The following USP39 variants were observed in gnomAD, a reference collection of about 807,000 sequenced individuals.
USP39 encodes the protein ubiquitin specific peptidase 39, also known as ubiquitin carboxyl-terminal hydrolase 39.
In USP39, 38 loss-of-function variants were observed where a neutral mutation model predicts 66.4. The ratio of observed to expected loss-of-function variants is 0.57; its 90% CI spans 0.44 to 0.75. The LOEUF (loss-of-function observed/expected upper bound fraction) is 0.75. Ranked by LOEUF, USP39 falls within the 30% of genes least tolerant of loss-of-function variation. The probability of loss-of-function intolerance (pLI) is 0.00; values close to 1 mark genes in which losing one functional copy is unlikely to be tolerated. For missense variants in USP39, 608 were observed against 714.4 expected, an observed-to-expected ratio of 0.85 and a Z score of 1.70; for synonymous variants, 303 against 274.6, an observed-to-expected ratio of 1.10 and a Z score of -1.02.
chr2:85,603,853 A>G lies in USP39; in HGVS notation n.226+772A>G, dbSNP rs369745214. 4.8e-4 allele frequency among the ~76,000 whole-genome samples: 73 copies of G among 152,218 alleles called. 2 individuals are homozygous for G. The South Asian group carries it at 0.011, about 22-fold the overall frequency. On this transcript the variant is annotated intron_variant and non_coding_transcript_variant, in intron 1 of 12. Coordinates refer to the USP39 transcript ENST00000459775. Reference sequence around the variant, plus strand: ...CGTGATCCGCCCGCCTCGGCCTCCCAAAGTGCTGGGATTACAGGCGTGGGC... The same window carrying G: ...CGTGATCCGCCCGCCTCGGCCTCCCGAAGTGCTGGGATTACAGGCGTGGGC...
chr2:85,611,610 G>A (rs1441835050), upstream of USP39: 2 of 1,557,234 alleles, frequency 1.3e-6, no homozygotes, highest in Non-Finnish European at 1.7e-6. Context: ...TATAGAGAAG[G>A]GGAGTGCGTT....
intron 8 of USP39, among the ~76,000 whole-genome samples, chr2:85,638,664 G>A (rs1675987331): frequency 6.6e-6 from 1 of 151,548 alleles, no homozygotes; most frequent in African/African-American, 2.4e-5. Context: ...TCAGCCTCCC[G>A]AGTAGCTAGG....
intron 6 of USP39, among the ~76,000 whole-genome samples, chr2:85,635,302 G>A (rs1324331993): frequency 6.6e-6 from 1 of 152,172 alleles, no homozygotes; most frequent in Non-Finnish European, 1.5e-5. Flanking sequence ...GCTCATGCCT[G>A]TAATCCCAGT....
chr2:85,615,311 C>T (rs1302138796), upstream of USP39, among the ~76,000 whole-genome samples: 2 of 152,072 alleles, frequency 1.3e-5, no homozygotes, highest in African/African-American at 4.8e-5. Context: ...TGAGCCACAG[C>T]GCCTGGCCTA....
chr2:85,612,077 C>T, upstream of USP39: 1 of 1,069,126 alleles, frequency 9.4e-7, no homozygotes, highest in South Asian at 1.7e-5. Flanking sequence ...GCTCAGCTTC[C>T]GGCCCCGCAT....
chr2:85,626,516 C>G (rs1007768231), intron 5 of USP39, among the ~76,000 whole-genome samples: 1 of 152,170 alleles, frequency 6.6e-6, no homozygotes, highest in Non-Finnish European at 1.5e-5. Context: ...TTTTTCTAGC[C>G]TCTGGCTCAT....
In USP39 at chr2:85,644,799, G is replaced by A. The variant is rs370266105; in HGVS notation, c.1428-149G>A. 56 of 892,118 alleles carry A rather than the reference G, an allele frequency of 6.3e-5. 3 individuals are homozygous for A. In the African/African-American group the frequency reaches 7.4e-4, roughly 12 times the overall value. The allele number at this position is 892,118 out of a possible 1,614,324, so 55.3% of individuals were successfully genotyped here. ...TTTGGCATATTTTGTGAATTCCAAC[G>A]CACCTGGACCTTCTTGACTCTGCAA... On this transcript the variant is annotated intron_variant, in intron 10 of 12. Transcript: ENST00000323701.
chr2:85,642,464 T>C (rs1369084246), intron 10 of USP39, among the ~76,000 whole-genome samples: 2 of 152,198 alleles, frequency 1.3e-5, no homozygotes, highest in Non-Finnish European at 2.9e-5. Context: ...GGGAGGAAGA[T>C]TGTGTATCAA....
chr2:85,603,180 T>G (rs1468362866), intron 1 of USP39: 1 of 152,250 alleles, frequency 6.6e-6, no homozygotes, highest in Non-Finnish European at 1.5e-5. Flanking sequence ...ACTTGGCTGT[T>G]TCTTAAGAAA....
chr2:85,604,043 C>T (rs1283078718), intron 1 of USP39, among the ~76,000 whole-genome samples: 2 of 152,156 alleles, frequency 1.3e-5, no homozygotes, highest in Admixed American at 1.3e-4. Context: ...GCAGGTTGCC[C>T]AGCGTGGGGA....
upstream of USP39, among the ~76,000 whole-genome samples, chr2:85,613,938 T>A (rs920191080): frequency 5.9e-5 from 9 of 151,694 alleles, no homozygotes; most frequent in East Asian, 2.0e-4. Context: ...AATTTTAAAA[T>A]TTTTTTGTGG....
intron 1 of USP39, 131 bp downstream of exon 1, chr2:85,616,594 G>A: frequency 7.3e-7 from 1 of 1,370,916 alleles, no homozygotes; most frequent in South Asian, 1.7e-5. Context: ...AGAAGAGGAG[G>A]GATCCAGACT....
At chr2:85,633,031 T>C (rs1573427107) in intron 6 of USP39, among the ~76,000 whole-genome samples, 1 of 152,076 alleles carries the variant, frequency 6.6e-6, no homozygotes, top group South Asian at 2.1e-4. Flanking sequence ...AGAGCCAAGG[T>C]GTAGATCCTG....
chr2:85,639,567 G>C (rs539064569), intron 9 of USP39, 176 bp downstream of exon 9: 6 of 563,804 alleles, frequency 1.1e-5, no homozygotes, highest in Non-Finnish European at 1.8e-5. Context: ...CGATTCTCCT[G>C]CCTCAGCCTT....
At chr2:85,634,558 A>G (rs1163254945) in intron 6 of USP39, among the ~76,000 whole-genome samples, 3 of 152,182 alleles carry the variant, frequency 2.0e-5, no homozygotes, top group Non-Finnish European at 4.4e-5. Context: ...TGGGTGACAG[A>G]GTGAGACGCT....
chr2:85,628,956 T>C (rs540635976), intron 5 of USP39, among the ~76,000 whole-genome samples: 1 of 152,160 alleles, frequency 6.6e-6, no homozygotes. Flanking sequence ...GATGACCTTG[T>C]TTAAGAAAGA....
At chr2:85,622,907 T>C (rs957039905) in intron 3 of USP39, among the ~76,000 whole-genome samples, 9 of 152,172 alleles carry the variant, frequency 5.9e-5, no homozygotes, top group African/African-American at 2.2e-4. Flanking sequence ...TATTCTTTGC[T>C]CTCGTAAGGA....
In USP39 at chr2:85,622,716, G is replaced by T. The variant is rs56928407; in HGVS notation, c.434-930G>T. Among the ~76,000 whole-genome samples the T allele has an allele frequency of 4.2e-3, 631 of 149,302 alleles. 7 individuals carry two copies. Among genetic ancestry groups the T allele is most frequent in the African/African-American group, 0.015 (606 of 40,568 alleles). ...CATTTCAACTCATTCACACCAAGCA[G>T]ATGCCATGTACATAGTATAGTGGAG... On this transcript the variant is annotated intron_variant, in intron 3 of 12. Transcript: ENST00000323701.
chr2:85,631,088 C>G, intron 6 of USP39, 142 bp downstream of exon 6: 1 of 747,342 alleles, frequency 1.3e-6, no homozygotes. Context: ...GGTCTCAGCT[C>G]ACTGCAACCT....
Sources: gnomAD v4.1 joint callset for allele counts (sites outside exome capture counted in the v4.1 genomes callset) on GRCh38, gnomAD v4.1.1 for gene constraint, MANE v1.5 for transcripts, NCBI Gene and HGNC (gene_info 2026-07-23, HGNC 2026-07-21) for gene names.